The following ATP9B variants were observed in gnomAD, a reference collection of about 807,000 sequenced individuals.
The protein encoded by ATP9B is ATPase phospholipid transporting 9B.
ATP9B carries 110 observed loss-of-function variants against 146.1 expected under a neutral mutation model. The observed-to-expected ratio is 0.75, with a 90% CI of 0.65 to 0.88. ATP9B has a LOEUF of 0.88. Among genes scored for constraint, ATP9B ranks in the 40% least tolerant of loss-of-function variants. The pLI is 0.00. For synonymous variants in ATP9B, 604 were observed against 569.7 expected (o/e 1.06, Z -0.86); for missense variants, 1,499 against 1,496.4 (o/e 1.00, Z -0.03).
chr18:79,197,478 C>G (rs2095427454), intron 9 of ATP9B, among the ~76,000 whole-genome samples: 1 of 151,782 alleles, frequency 6.6e-6, no homozygotes, highest in African/African-American at 2.4e-5. Context: ...AAAAATAGAA[C>G]CTTAAAGCCA....
In ATP9B at chr18:79,137,154, G is replaced by C. The variant is rs145230445; in HGVS notation, c.668-6648G>C. Reference sequence around the variant, plus strand: ...TTTTGTGTCTGGAAGTTTGATTTGGGTCTTTTTTGTATCCTTCATGTCTCT... The same window carrying C: ...TTTTGTGTCTGGAAGTTTGATTTGGCTCTTTTTTGTATCCTTCATGTCTCT... On this transcript the variant is annotated intron_variant, in intron 5 of 29. Transcript: ENST00000426216. Among the ~76,000 whole-genome samples the C allele has an allele frequency of 4.8e-3, 735 of 152,194 alleles. 4 individuals are homozygous for C. Among genetic ancestry groups the C allele is most frequent in the South Asian group, 0.024 (117 of 4,814 alleles).
intron 26 of ATP9B, among the ~76,000 whole-genome samples, chr18:79,368,065 C>T (rs1908613958): frequency 6.6e-6 from 1 of 152,138 alleles, no homozygotes; most frequent in South Asian, 2.1e-4. Context: ...CCTGGGTGGG[C>T]TGGAGGGCGC....
At chr18:79,365,788 G>A (rs2097023884) in intron 26 of ATP9B, among the ~76,000 whole-genome samples, 1 of 151,612 alleles carries the variant, frequency 6.6e-6, no homozygotes, top group African/African-American at 2.4e-5. Flanking sequence ...CGTGGATGGA[G>A]GACAACTCCG....
chr18:79,125,502 C>T (rs1176428739), intron 4 of ATP9B, among the ~76,000 whole-genome samples: 1 of 152,174 alleles, frequency 6.6e-6, no homozygotes, highest in Non-Finnish European at 1.5e-5. Context: ...GATTATTGTG[C>T]TTTCAGTGGA....
chr18:79,198,042 G>A (rs1325545449), intron 9 of ATP9B, among the ~76,000 whole-genome samples: 1 of 152,024 alleles, frequency 6.6e-6, no homozygotes, highest in Non-Finnish European at 1.5e-5. Context: ...AAATCTCATG[G>A]AACAATCCCA....
At chr18:79,344,672 G>A (rs1201291269) in intron 21 of ATP9B, among the ~76,000 whole-genome samples, 1 of 152,226 alleles carries the variant, frequency 6.6e-6, no homozygotes, top group Non-Finnish European at 1.5e-5. Flanking sequence ...GTCAGAGCTG[G>A]ATCACAGCGA....
At chr18:79,237,754 A>G (rs1266669468) in intron 11 of ATP9B, among the ~76,000 whole-genome samples, 1 of 151,366 alleles carries the variant, frequency 6.6e-6, no homozygotes, top group Admixed American at 6.6e-5. Context: ...TGGCATGATC[A>G]CTGCTCACTG....
intron 7 of ATP9B, among the ~76,000 whole-genome samples, chr18:79,157,410 A>AAAAAAAAAAC (rs2094808182): frequency 6.9e-6 from 1 of 145,896 alleles, no homozygotes; most frequent in Non-Finnish European, 1.5e-5. Context: ...AAAAAAAAAA[A>AAAAAAAAAAC]AAAAAAAAAA....
chr18:79,216,777 A>G (rs1441227258), intron 11 of ATP9B, among the ~76,000 whole-genome samples: 1 of 152,190 alleles, frequency 6.6e-6, no homozygotes, highest in Non-Finnish European at 1.5e-5. Context: ...GGCAGAATAT[A>G]TCTCATAATT....
intron 13 of ATP9B, among the ~76,000 whole-genome samples, chr18:79,293,553 G>A (rs541512521): frequency 6.6e-6 from 1 of 152,302 alleles, no homozygotes; most frequent in East Asian, 1.9e-4. Flanking sequence ...TCAGGACTCT[G>A]CAGAGAGTCC....
intron 12 of ATP9B, among the ~76,000 whole-genome samples, chr18:79,265,449 T>A (rs2096193412): frequency 6.6e-6 from 1 of 152,200 alleles, no homozygotes; most frequent in Non-Finnish European, 1.5e-5. Context: ...TGGCCCGATG[T>A]TGAGCTTTTT....
intron 13 of ATP9B, among the ~76,000 whole-genome samples, chr18:79,285,758 G>A (rs1178767891): frequency 2.4e-4 from 37 of 152,246 alleles, no homozygotes; most frequent in East Asian, 7.7e-4. Context: ...TAGGTCTAAC[G>A]TTTAAGTCTT....
intron 12 of ATP9B, among the ~76,000 whole-genome samples, chr18:79,263,582 T>C (rs2096168170): frequency 6.6e-6 from 1 of 152,240 alleles, no homozygotes; most frequent in African/African-American, 2.4e-5. Context: ...ATTCCTTTTG[T>C]TTTACATGGC....
At position 79,123,061 on chromosome 18, in the gene ATP9B, A is replaced by G. The variant is rs577952231; in HGVS notation, c.559-3206A>G. Among the ~76,000 whole-genome samples the G allele has an allele frequency of 3.3e-5, 5 of 152,302 alleles. No homozygotes were observed. In the South Asian group the frequency reaches 1.0e-3, roughly 32 times the overall value. On this transcript the variant is annotated intron_variant, in intron 4 of 29. Transcript: ENST00000426216. Reference sequence around the variant, plus strand: ...TGTTTGCTCCCACCAGTTCTGTTCAACATTGTATAGGGCAGTTAGTTAAGA... The same window carrying G: ...TGTTTGCTCCCACCAGTTCTGTTCAGCATTGTATAGGGCAGTTAGTTAAGA...
At chr18:79,176,746 C>T (rs1325423312) in intron 7 of ATP9B, 67 bp from the exon 8 acceptor site, 2 of 1,312,222 alleles carry the variant, frequency 1.5e-6, no homozygotes, top group Non-Finnish European at 2.2e-6. Context: ...TTTGATGGCA[C>T]CTGTAGCTCA....
chr18:79,192,529 C>A (rs1349210792), intron 8 of ATP9B, among the ~76,000 whole-genome samples: 1 of 152,216 alleles, frequency 6.6e-6, no homozygotes, highest in African/African-American at 2.4e-5. Flanking sequence ...TGGAGACTTT[C>A]TGATTTAACC....
intron 4 of ATP9B, among the ~76,000 whole-genome samples, chr18:79,123,888 A>G (rs1025335523): frequency 1.3e-5 from 2 of 152,250 alleles, no homozygotes; most frequent in Non-Finnish European, 2.9e-5. Flanking sequence ...AAGATATACA[A>G]ATGGCCAATA....
intron 7 of ATP9B, among the ~76,000 whole-genome samples, chr18:79,157,636 A>T (rs923502596): frequency 2.0e-5 from 3 of 152,120 alleles, no homozygotes; most frequent in African/African-American, 7.2e-5. Context: ...TCTGATTTTT[A>T]AAAAATTACT....
At chr18:79,326,727 T>C (rs1325739145) in intron 15 of ATP9B, among the ~76,000 whole-genome samples, 1 of 152,224 alleles carries the variant, frequency 6.6e-6, no homozygotes, top group Non-Finnish European at 1.5e-5. Context: ...AGAGGTATTC[T>C]GTGGTCAGAC....
Sources: gnomAD v4.1 joint callset for allele counts (sites outside exome capture counted in the v4.1 genomes callset) on GRCh38, gnomAD v4.1.1 for gene constraint, MANE v1.5 for transcripts, NCBI Gene and HGNC (gene_info 2026-07-23, HGNC 2026-07-21) for gene names.